The following ABCA3 variants were observed in gnomAD, a reference collection of about 807,000 sequenced individuals.
ABCA3 encodes the protein ATP binding cassette subfamily A member 3.
In ABCA3, 88 loss-of-function variants were observed where a neutral mutation model predicts 172.8. That is an observed-to-expected ratio of 0.51 (90% CI 0.43 to 0.61). The LOEUF is 0.61. Ranked by LOEUF, ABCA3 falls within the 20% of genes least tolerant of loss-of-function variation. ABCA3 has a pLI of 0.00. For synonymous variants in ABCA3, 1,066 were observed against 983.8 expected, an observed-to-expected ratio of 1.08 and a Z score of -1.56; for missense variants, 2,164 against 2,301.0, an observed-to-expected ratio of 0.94 and a Z score of 1.22.
Position 2,326,206 on chromosome 16 carries a change from C to G in ABCA3, c.123G>C (p.Trp41Cys). The G allele has an allele frequency of 6.2e-7, 1 of 1,614,072 alleles. No individual in the cohort carries two copies. The highest frequency in any genetic ancestry group is 8.5e-7 in the Non-Finnish European group (1 of 1,180,038). ...LPLLFSGILI[W>C]LRLKIQSENV... ...TTTCCGACTGAATCTTCAAGCGGAG[C>G]CAGATGAGGATCCCAGAAAACAGCA... The change falls in exon 5 of 33, where the codon TGG (tryptophan) becomes TGC (cysteine). Residue 41 changes from tryptophan (W) to cysteine (C), a missense_variant. By Grantham distance (215) the Trp-to-Cys change is radical. Around this residue, in one of 3 missense-constraint regions of ABCA3, gnomAD observed 1,343 missense variants for 1,369.6 expected, o/e 0.98. Transcript: ENST00000301732.
chr16:2,299,264 C>T, intron 14 of ABCA3, 139 bp downstream of exon 14: 1 of 1,269,336 alleles, frequency 7.9e-7, no homozygotes, highest in Non-Finnish European at 1.1e-6. Flanking sequence ...CCTGGGCCTG[C>T]AGGGCTGAGG....
At chr16:2,322,040 A>C (rs2093726856) in intron 7 of ABCA3, among the ~76,000 whole-genome samples, 1 of 152,114 alleles carries the variant, frequency 6.6e-6, no homozygotes, top group Non-Finnish European at 1.5e-5. Context: ...TCTACTAAAA[A>C]TACAAAAATT....
intron 1 of ABCA3, among the ~76,000 whole-genome samples, chr16:2,340,051 G>A (rs2093758083): frequency 1.3e-5 from 2 of 152,232 alleles, no homozygotes; most frequent in Admixed American, 1.3e-4. Flanking sequence ...TTCGGATTTG[G>A]AGGCTCCTCG....
chr16:2,276,230 C>A lies in ABCA3; in HGVS notation c.*444G>T, dbSNP rs557564877. On this transcript the variant is annotated 3_prime_UTR_variant, in exon 33 of 33. Transcript: ENST00000301732. ...ATCTGCATGGTCCATTCCTGGCGGC[C>A]TGGGGGCCTCGCTACAGTTCAACCT... 8.1e-5 allele frequency: 36 copies of A among 446,234 alleles called. No homozygotes were observed. Among genetic ancestry groups the A allele is most frequent in the African/African-American group, 6.0e-4 (30 of 50,040 alleles). The allele number at this position is 446,234 out of a possible 1,614,324, so 27.6% of individuals were successfully genotyped here.
chr16:2,299,608 G>C, intron 13 of ABCA3, 76 bp from the exon 14 acceptor site: 1 of 1,599,864 alleles, frequency 6.3e-7, no homozygotes, highest in South Asian at 1.1e-5. Flanking sequence ...CTGCTCCCCT[G>C]CCCGACCGTC....
chr16:2,295,784 G>A, intron 17 of ABCA3, 44 bp from the exon 18 acceptor site: 3 of 1,612,738 alleles, frequency 1.9e-6, no homozygotes, highest in Non-Finnish European at 2.5e-6. Context: ...TGATCCCCCA[G>A]GTCTCTTCAT....
chr16:2,320,178 A>T (rs942741337), intron 7 of ABCA3, among the ~76,000 whole-genome samples: 3 of 151,530 alleles, frequency 2.0e-5, no homozygotes, highest in Non-Finnish European at 4.4e-5. Flanking sequence ...GGCTCACTGC[A>T]ACCTCCACCT....
rs2093665021 is a variant in ABCA3 at position 2,287,584 on chromosome 16, TGTGA to T, written c.3004+438_3004+441del. Among the ~76,000 whole-genome samples, 1 of 152,198 alleles carries T rather than the reference TGTGA, an allele frequency of 6.6e-6. No individual in the cohort carries two copies. Among genetic ancestry groups the T allele is most frequent in the African/African-American group, 2.4e-5 (1 of 41,446 alleles). On this transcript the variant is annotated intron_variant, in intron 21 of 32. Transcript: ENST00000301732. This position sits in a 1 kb window ranked among gnomAD's most constrained non-coding sequence, Gnocchi z 4.1. ...TGAGCTACTGTGCCTGGCCAAGAACTGTGAGTTTTAAGATGTTGAAAGAAAACAC... is the reference window on the plus strand; with the variant it reads ...TGAGCTACTGTGCCTGGCCAAGAACTGTTTTAAGATGTTGAAAGAAAACAC...
chr16:2,338,984 G>C (rs561812464), intron 1 of ABCA3, among the ~76,000 whole-genome samples: 34 of 152,118 alleles, frequency 2.2e-4, no homozygotes, highest in Non-Finnish European at 4.0e-4. Flanking sequence ...TCGAACTCCT[G>C]AACTCAAGTG....
At chr16:2,328,940 G>A (rs2093738875) in intron 2 of ABCA3, among the ~76,000 whole-genome samples, 183 bp from the exon 3 acceptor site, 1 of 150,070 alleles carries the variant, frequency 6.7e-6, no homozygotes, top group Non-Finnish European at 1.5e-5. Flanking sequence ...TTTTGGTTTG[G>A]TTTCAGTCCA....
chr16:2,288,118 G>C lies in ABCA3; in HGVS notation c.2912C>G (p.Ser971Ter). The C allele has an allele frequency of 6.2e-7, 1 of 1,613,566 alleles. No homozygotes were observed. Among genetic ancestry groups the C allele is most frequent in the South Asian group, 1.1e-5 (1 of 90,982 alleles). Residue 971 changes from serine (S) to a stop codon, truncating the protein, a stop_gained, in exon 21 of 33, where the codon TCA becomes TGA. Transcript: ENST00000301732. LOFTEE classifies it high-confidence loss of function. ...ACCCAGCTGGGAGGTCCCGGGAACTGAGAAGGGCACGACGGTTCTGCCGTA... is the reference window on the plus strand; with the variant it reads ...ACCCAGCTGGGAGGTCCCGGGAACTCAGAAGGGCACGACGGTTCTGCCGTA... ...GEYGRTVVPF[S>*]VPGTSQLGQQ... is the part of the protein sequence containing the mutation.
At chr16:2,311,218 T>G (rs531388378) in intron 10 of ABCA3, among the ~76,000 whole-genome samples, 67 of 151,656 alleles carry the variant, frequency 4.4e-4, no homozygotes, top group Admixed American at 7.9e-4. Context: ...GTGATCCGCC[T>G]GCCTCGGCCT....
rs1206087400 is a variant in ABCA3 at position 2,278,237 on chromosome 16, A to G, written c.4718+51T>C. ...GGTCTCCTGGCCACCTGGCTCCTCC[A>G]TGGCCCACCCGGTGCTGAAACTTCC... On this transcript the variant is annotated intron_variant, in intron 30 of 32. Coordinates refer to ENST00000301732, the MANE Select transcript of ABCA3 (RefSeq NM_001089.3). The surrounding 1 kb of genome is among the most constrained non-coding windows in gnomAD (Gnocchi z 4.4). 6.2e-7 allele frequency: 1 copy of G among 1,602,456 alleles called. No homozygotes were observed. Among genetic ancestry groups the G allele is most frequent in the Non-Finnish European group, 8.5e-7 (1 of 1,179,708 alleles).
At chr16:2,292,505 C>T (rs1446217960) in intron 18 of ABCA3, among the ~76,000 whole-genome samples, 1 of 151,894 alleles carries the variant, frequency 6.6e-6, no homozygotes, top group Non-Finnish European at 1.5e-5. Context: ...AAGGCAGAGG[C>T]AGGAGAACAC....
chr16:2,309,107 G>A (rs1483688841), intron 10 of ABCA3, among the ~76,000 whole-genome samples: 4 of 152,056 alleles, frequency 2.6e-5, no homozygotes, highest in African/African-American at 4.8e-5. Context: ...CACCACGCCC[G>A]GCTAATTTTT....
intron 3 of ABCA3, among the ~76,000 whole-genome samples, chr16:2,328,093 C>T (rs2093737220): frequency 6.6e-6 from 1 of 151,822 alleles, no homozygotes; most frequent in Admixed American, 6.6e-5. Context: ...TATATAGGAA[C>T]ATGATATTTA....
At chr16:2,326,921 G>A (rs1468835495) in intron 3 of ABCA3, among the ~76,000 whole-genome samples, 1 of 152,130 alleles carries the variant, frequency 6.6e-6, no homozygotes, top group African/African-American at 2.4e-5. Flanking sequence ...CCGGGAGGCG[G>A]GGGTTGCAGT....
In ABCA3 at chr16:2,287,966, G is replaced by T; in HGVS notation, c.3004+60C>A. 2 of 1,584,686 alleles carry T rather than the reference G, an allele frequency of 1.3e-6. No homozygotes were observed. Among genetic ancestry groups the T allele is most frequent in the South Asian group, 2.2e-5 (2 of 90,376 alleles). On this transcript the variant is annotated intron_variant, in intron 21 of 32. Transcript: ENST00000301732. The surrounding 1 kb of genome is among the most constrained non-coding windows in gnomAD (Gnocchi z 4.1). ...TCGACCCTGCTGCAGTCAGGAAGGC[G>T]AACTCTGGCTGCAGGACTGGCCCCC...
chr16:2,325,958 G>C, intron 5 of ABCA3, 52 bp downstream of exon 5: 2 of 1,608,220 alleles, frequency 1.2e-6, no homozygotes, highest in Non-Finnish European at 1.7e-6. Flanking sequence ...TGCCTGCCCA[G>C]CCGCGTGGAG....
Sources: gnomAD v4.1 joint callset for allele counts (sites outside exome capture counted in the v4.1 genomes callset) on GRCh38, gnomAD v4.1.1 for gene constraint, gnomAD v4.1.1 regional missense constraint, Gnocchi (gnomAD v3.1) non-coding constraint, MANE v1.5 for transcripts, NCBI Gene and HGNC (gene_info 2026-07-23, HGNC 2026-07-21) for gene names.